PAM: variants seen among roughly 807,000 people sequenced by gnomAD.
PAM encodes the protein peptidyl-glycine alpha-amidating monooxygenase.
PAM carries 72 observed loss-of-function variants against 122.1 expected under a neutral mutation model. The ratio of observed to expected loss-of-function variants is 0.59; its 90% CI spans 0.49 to 0.72. The LOEUF is 0.72. Ranked by LOEUF, PAM falls within the 30% of genes least tolerant of loss-of-function variation. The pLI is 0.00. For missense variants in PAM, 1,106 were observed against 1,183.7 expected, an observed-to-expected ratio of 0.93 and a Z score of 0.96; for synonymous variants, 389 against 404.4, an observed-to-expected ratio of 0.96 and a Z score of 0.46.
intron 15 of PAM, among the ~76,000 whole-genome samples, chr5:102,985,537 G>T (rs1032687114): frequency 1.3e-5 from 2 of 151,898 alleles, no homozygotes; most frequent in African/African-American, 4.8e-5. Flanking sequence ...AACCTACCAA[G>T]CTTGAACTAG....
chr5:102,967,559 G>A (rs1315809011), intron 14 of PAM, among the ~76,000 whole-genome samples: 2 of 152,136 alleles, frequency 1.3e-5, no homozygotes, highest in African/African-American at 4.8e-5. Context: ...CAAGAAATAA[G>A]AAATGAGAGG....
chr5:102,794,737 T>G (rs747878629), intron 1 of PAM, among the ~76,000 whole-genome samples: 7 of 152,178 alleles, frequency 4.6e-5, no homozygotes, highest in Non-Finnish European at 5.9e-5. Context: ...TGATGCTAAT[T>G]TTTTTGTTTG....
intron 1 of PAM, among the ~76,000 whole-genome samples, chr5:102,765,947 G>A (rs1272641663): frequency 1.3e-5 from 2 of 152,106 alleles, no homozygotes; most frequent in Non-Finnish European, 2.9e-5. Flanking sequence ...GGTACTGGAA[G>A]TTAAGAATTG....
intron 1 of PAM, among the ~76,000 whole-genome samples, chr5:102,841,083 G>T (rs1468458595): frequency 6.6e-6 from 1 of 152,042 alleles, no homozygotes; most frequent in Non-Finnish European, 1.5e-5. Context: ...GAGCTGGATT[G>T]TTTAAGAAAA....
intron 18 of PAM, among the ~76,000 whole-genome samples, chr5:103,005,560 G>C (rs887127200): frequency 1.3e-5 from 2 of 152,148 alleles, no homozygotes; most frequent in African/African-American, 2.4e-5. Context: ...AGAGAGATAA[G>C]AGTGACAGTA....
In PAM at chr5:102,923,772, C is replaced by T. The variant is rs192631519; in HGVS notation, c.357-1185C>T. Among the ~76,000 whole-genome samples the T allele has an allele frequency of 3.0e-3, 459 of 152,258 alleles. 3 individuals are homozygous for T. The highest frequency in any genetic ancestry group is 5.1e-3 in the Non-Finnish European group (345 of 68,026). The stretch of plus-strand genomic sequence containing the variant: ...AACTGGGCCTTTGAGGGCTTATAAA[C>T]ACGCCCAAGATACAGAGCTGCTAAG... On this transcript the variant is annotated intron_variant, in intron 5 of 25. Transcript: ENST00000438793.
rs1390673557 is a variant in PAM, at chr5:102,774,064, A to G, written c.-374+18716A>G. The stretch of plus-strand genomic sequence containing the variant: ...CATGATCTCATTCTTTTTTGTGGCT[A>G]CATAGTATTCCATGGTGTATCCCAC... On this transcript the variant is annotated intron_variant, in intron 1 of 25. Transcript: ENST00000438793. Among the ~76,000 whole-genome samples, 6 of 152,198 alleles carry G rather than the reference A, an allele frequency of 3.9e-5. No homozygotes were observed. In the East Asian group the frequency reaches 7.7e-4, roughly 20 times the overall value.
intron 1 of PAM, among the ~76,000 whole-genome samples, chr5:102,845,554 G>A (rs1013448079): frequency 2.6e-5 from 4 of 152,132 alleles, no homozygotes; most frequent in Non-Finnish European, 4.4e-5. Context: ...CATAAAATCC[G>A]ATGGCTCCAT....
intron 7 of PAM, among the ~76,000 whole-genome samples, chr5:102,936,386 T>G (rs757807623): frequency 6.6e-6 from 1 of 152,160 alleles, no homozygotes; most frequent in Non-Finnish European, 1.5e-5. Flanking sequence ...TTAGGACATA[T>G]TCTTCCAGGA....
chr5:102,844,633 C>G (rs1779514905), intron 1 of PAM, among the ~76,000 whole-genome samples: 1 of 152,054 alleles, frequency 6.6e-6, no homozygotes, highest in Admixed American at 6.6e-5. Context: ...CACCACTGCA[C>G]TCCAGCCTGG....
At chr5:102,774,625 G>A (rs1756678431) in intron 1 of PAM, among the ~76,000 whole-genome samples, 1 of 152,050 alleles carries the variant, frequency 6.6e-6, no homozygotes, top group Non-Finnish European at 1.5e-5. Flanking sequence ...AGATGGTACA[G>A]TTTTTCAGGT....
intron 1 of PAM, among the ~76,000 whole-genome samples, chr5:102,801,821 C>G (rs1489569108): frequency 6.9e-6 from 1 of 144,922 alleles, no homozygotes; most frequent in African/African-American, 2.6e-5. Flanking sequence ...CTCTGTCGCC[C>G]AGGCTGGAGT....
intron 1 of PAM, among the ~76,000 whole-genome samples, chr5:102,811,729 T>C (rs1229567216): frequency 1.3e-5 from 2 of 152,182 alleles, no homozygotes. Context: ...AAATCATAAA[T>C]TAAACTAGTG....
At position 103,025,318 on chromosome 5, in the gene PAM, A is replaced by G. The variant is rs1784641169; in HGVS notation, c.2673A>G (p.Lys891=). 1.9e-6 allele frequency: 3 copies of G among 1,613,606 alleles called. No homozygotes were observed. Among genetic ancestry groups the G allele is most frequent in the Non-Finnish European group, 2.5e-6 (3 of 1,179,636 alleles). The part of the protein sequence containing the change: ...LAIAIFIRWK[K]SRAFGDSEHK... Reference sequence around the variant, plus strand: ...TTGCCATATTTATTCGGTGGAAAAAATCAAGGGCCTTTGGAGGCAAGTAAA... The same window carrying G: ...TTGCCATATTTATTCGGTGGAAAAAGTCAAGGGCCTTTGGAGGCAAGTAAA... Residue 891 remains lysine, a synonymous_variant, in exon 24 of 26, where the codon AAA becomes AAG. Coordinates refer to ENST00000438793, the MANE Select transcript of PAM (RefSeq NM_001177306.2).
intron 21 of PAM, among the ~76,000 whole-genome samples, chr5:103,012,814 C>T (rs1780992786): frequency 6.7e-6 from 1 of 149,440 alleles, no homozygotes; most frequent in Non-Finnish European, 1.5e-5. Flanking sequence ...GAAGATCGTG[C>T]CACTGCACTC....
At chr5:102,961,585 G>C (rs1025694822) in intron 14 of PAM, among the ~76,000 whole-genome samples, 4 of 151,724 alleles carry the variant, frequency 2.6e-5, no homozygotes, top group African/African-American at 9.7e-5. Context: ...TGTATATTTT[G>C]TATGGTATGT....
chr5:102,873,834 G>A (rs572546728), intron 3 of PAM: 1 of 152,172 alleles, frequency 6.6e-6, no homozygotes, highest in Non-Finnish European at 1.5e-5. Flanking sequence ...ATGAATATGA[G>A]TCGTGGCTTT....
In PAM at chr5:102,793,134, T is replaced by A. The variant is rs115406769; in HGVS notation, c.-374+37786T>A. Reference sequence around the variant, plus strand: ...AAGATACCTTCTCTGAATGTGTGAATTTTTTATAGAACACCGAAGATTCTT... The same window carrying A: ...AAGATACCTTCTCTGAATGTGTGAAATTTTTATAGAACACCGAAGATTCTT... On this transcript the variant is annotated intron_variant, in intron 1 of 25. Transcript: ENST00000438793. Among the ~76,000 whole-genome samples the A allele has an allele frequency of 5.6e-3, 853 of 152,308 alleles. 11 individuals are homozygous for A. Among genetic ancestry groups the A allele is most frequent in the African/African-American group, 0.019 (799 of 41,568 alleles).
intron 1 of PAM, among the ~76,000 whole-genome samples, chr5:102,819,762 G>A (rs1771119514): frequency 6.6e-6 from 1 of 152,048 alleles, no homozygotes; most frequent in Non-Finnish European, 1.5e-5. Flanking sequence ...GGTATGTCTC[G>A]TACTCTGAAA....
Sources: gnomAD v4.1 joint callset for allele counts (sites outside exome capture counted in the v4.1 genomes callset) on GRCh38, gnomAD v4.1.1 for gene constraint, MANE v1.5 for transcripts, NCBI Gene and HGNC (gene_info 2026-07-23, HGNC 2026-07-21) for gene names.